Variants in KCTD8 observed in about 807,000 individuals in gnomAD.
The protein encoded by KCTD8 is BTB/POZ domain-containing protein KCTD8.
Under a neutral mutation model 31.5 loss-of-function variants are expected in KCTD8, and 27 were observed. The observed-to-expected ratio is 0.86, with a 90% CI of 0.63 to 1.18. The LOEUF is 1.18. KCTD8 is among the 50% of genes most tolerant of loss of function. KCTD8 has a pLI of 0.00. For synonymous variants in KCTD8, 290 were observed against 280.0 expected (o/e 1.04, Z -0.36); for missense variants, 658 against 647.7 (o/e 1.02, Z -0.17).
chr4:44,291,344 C>A (rs958736695), intron 1 of KCTD8, among the ~76,000 whole-genome samples: 1 of 152,018 alleles, frequency 6.6e-6, no homozygotes, highest in East Asian at 1.9e-4. Context: ...AAACCTACAA[C>A]GATTTGATTT....
intron 1 of KCTD8, among the ~76,000 whole-genome samples, chr4:44,388,795 C>A (rs186058024): frequency 9.0e-4 from 137 of 151,832 alleles, no homozygotes; most frequent in African/African-American, 3.2e-3. Flanking sequence ...GCACAACAAA[C>A]CCCTATGACA....
At chr4:44,337,024 G>T (rs951923631) in intron 1 of KCTD8, among the ~76,000 whole-genome samples, 1 of 151,892 alleles carries the variant, frequency 6.6e-6, no homozygotes, top group Non-Finnish European at 1.5e-5. Flanking sequence ...TGTCTAAAAG[G>T]GGGTTAATCC....
chr4:44,190,116 A>T (rs746579786), intron 1 of KCTD8, among the ~76,000 whole-genome samples: 5 of 152,132 alleles, frequency 3.3e-5, no homozygotes, highest in Non-Finnish European at 4.4e-5. Flanking sequence ...ATATCCTTTT[A>T]TCCATACTAA....
intron 1 of KCTD8, among the ~76,000 whole-genome samples, chr4:44,273,534 A>T (rs1716670658): frequency 6.6e-6 from 1 of 151,926 alleles, no homozygotes; most frequent in African/African-American, 2.4e-5. Flanking sequence ...CCAATCATTG[A>T]ACCACTGGGA....
chr4:44,257,480 A>G (rs1716022761), intron 1 of KCTD8, among the ~76,000 whole-genome samples: 1 of 152,026 alleles, frequency 6.6e-6, no homozygotes, highest in South Asian at 2.1e-4. Flanking sequence ...TTTTCATGCC[A>G]TGCATATTTA....
At position 44,295,199 on chromosome 4, in the gene KCTD8, G is replaced by A. The variant is rs114772498; in HGVS notation, c.962-119949C>T. On this transcript the variant is annotated intron_variant, in intron 1 of 1. Transcript: ENST00000360029. ...TAGTTCCAGCTACTCTGGGGTCTGA[G>A]GTGGGAGGATTGCTTGAGTCCAGGA... Among the ~76,000 whole-genome samples, 864 of 152,282 alleles carry A rather than the reference G, an allele frequency of 5.7e-3. 9 individuals are homozygous for A. Among genetic ancestry groups the A allele is most frequent in the African/African-American group, 0.02 (833 of 41,548 alleles).
chr4:44,249,810 CCTT>C (rs1164220706), intron 1 of KCTD8, among the ~76,000 whole-genome samples: 15 of 151,354 alleles, frequency 9.9e-5, no homozygotes, highest in Non-Finnish European at 8.9e-5. Context: ...TCTTTCCTTC[CCTT>C]CTTTTCTTTC....
chr4:44,440,395 T>A (rs975197407), intron 1 of KCTD8, among the ~76,000 whole-genome samples: 1 of 152,216 alleles, frequency 6.6e-6, no homozygotes, highest in African/African-American at 2.4e-5. Context: ...CAACTTCTCA[T>A]GTCATTACTC....
intron 1 of KCTD8, among the ~76,000 whole-genome samples, chr4:44,430,113 T>C (rs1407042411): frequency 6.6e-6 from 1 of 151,774 alleles, no homozygotes. Context: ...AAAGGAGAAC[T>C]GTCAGCCAGT....
At chr4:44,400,617 TACTC>T (rs1720623966) in intron 1 of KCTD8, among the ~76,000 whole-genome samples, 1 of 150,842 alleles carries the variant, frequency 6.6e-6, no homozygotes, top group Non-Finnish European at 1.5e-5. Context: ...TAGTCCCAGT[TACTC>T]AGGAGGCTGA....
At chr4:44,280,239 CT>C (rs1252152347) in intron 1 of KCTD8, among the ~76,000 whole-genome samples, 3 of 151,980 alleles carry the variant, frequency 2.0e-5, no homozygotes, top group African/African-American at 4.8e-5. Flanking sequence ...AATCATCTAA[CT>C]TTTTTTCCAA....
intron 1 of KCTD8, among the ~76,000 whole-genome samples, chr4:44,227,463 G>A (rs950648749): frequency 6.6e-6 from 1 of 151,958 alleles, no homozygotes; most frequent in African/African-American, 2.4e-5. Flanking sequence ...GATCCTCAAG[G>A]GACATCTTAT....
rs1722029242 is a variant in KCTD8 at position 44,448,773 on chromosome 4, G to A, written c.-250C>T. 5 of 365,662 alleles carry A rather than the reference G, an allele frequency of 1.4e-5. No individual in the cohort carries two copies. In the Admixed American group the frequency reaches 1.9e-4, roughly 14 times the overall value. 22.7% of individuals were successfully genotyped at this position (365,662 alleles called of 1,614,324 possible). A position where few individuals can be genotyped will look rare whatever the true frequency, so the allele number is the denominator to read the frequency against. On this transcript the variant is annotated 5_prime_UTR_variant, in exon 1 of 2. Transcript: ENST00000360029. This position sits in a 1 kb window ranked among gnomAD's most constrained non-coding sequence, Gnocchi z 4.1. Reference sequence around the variant, plus strand: ...GCGGCGGCAATGGAGAGGCAAGAAGGAGCTGCTGCTCCTTTGGGGCGAGGG... The same window carrying A: ...GCGGCGGCAATGGAGAGGCAAGAAGAAGCTGCTGCTCCTTTGGGGCGAGGG...
intron 1 of KCTD8, among the ~76,000 whole-genome samples, chr4:44,268,418 C>CA (rs1560411031): frequency 1.3e-5 from 2 of 152,088 alleles, no homozygotes; most frequent in African/African-American, 2.4e-5. Flanking sequence ...CTATCTAGGA[C>CA]AAACCCACAG....
intron 1 of KCTD8, among the ~76,000 whole-genome samples, chr4:44,437,054 G>C (rs964356130): frequency 1.0e-5 from 1 of 96,300 alleles, no homozygotes; most frequent in Non-Finnish European, 2.1e-5. Flanking sequence ...CAATGATTTT[G>C]AAAGTTTTTT....
intron 1 of KCTD8, among the ~76,000 whole-genome samples, chr4:44,297,810 G>A (rs1560418829): frequency 6.6e-6 from 1 of 152,148 alleles, no homozygotes; most frequent in Non-Finnish European, 1.5e-5. Flanking sequence ...CATGAACACA[G>A]CACTTGTGTG....
intron 1 of KCTD8, among the ~76,000 whole-genome samples, chr4:44,438,252 G>A (rs1317501828): frequency 9.9e-5 from 15 of 152,134 alleles, no homozygotes; most frequent in Admixed American, 9.8e-4. Context: ...CTGATTGACA[G>A]CTAACATAGT....
At chr4:44,187,175 C>A (rs1256018987) in intron 1 of KCTD8, among the ~76,000 whole-genome samples, 1 of 152,202 alleles carries the variant, frequency 6.6e-6, no homozygotes, top group Non-Finnish European at 1.5e-5. Flanking sequence ...TTGAGAACCA[C>A]ACATAATGTG....
chr4:44,193,670 A>G (rs1481651435), intron 1 of KCTD8, among the ~76,000 whole-genome samples: 4 of 152,132 alleles, frequency 2.6e-5, no homozygotes, highest in Non-Finnish European at 4.4e-5. Context: ...AAGGCTACAC[A>G]TATGAAAATG....
Sources: allele counts gnomAD v4.1 joint callset (sites outside exome capture counted in the v4.1 genomes callset), GRCh38; gene constraint gnomAD v4.1.1; non-coding constraint Gnocchi (gnomAD v3.1); transcripts MANE v1.5; gene names NCBI Gene and HGNC (gene_info 2026-07-23, HGNC 2026-07-21).